MCPH1: variants seen among roughly 807,000 people sequenced by gnomAD.
The protein encoded by MCPH1 is microcephalin.
MCPH1 carries 104 observed loss-of-function variants against 84.5 expected under a neutral mutation model. The ratio of observed to expected loss-of-function variants is 1.23; its 90% CI spans 1.05 to 1.45. The LOEUF (loss-of-function observed/expected upper bound fraction) is 1.45, where lower values mean the gene tolerates loss of function less well. Among genes scored for constraint, MCPH1 ranks in the 40% most tolerant of loss-of-function variants. The pLI, the probability that MCPH1 is intolerant of heterozygous loss-of-function variation, is 0.00. For synonymous variants in MCPH1, 514 were observed against 366.8 expected (o/e 1.40, Z -4.58); for missense variants, 1,498 against 1,005.7 (o/e 1.49, Z -6.62).
chr8:6,486,636 C>T (rs1442361931), intron 11 of MCPH1, among the ~76,000 whole-genome samples: 1 of 152,154 alleles, frequency 6.6e-6, no homozygotes, highest in African/African-American at 2.4e-5. Flanking sequence ...TTCACACCTC[C>T]AGTGTTAGCG....
rs1035591191 is a variant in MCPH1 at position 6,526,913 on chromosome 8, C to G, written c.2214+26984C>G. 2.6e-5 allele frequency among the ~76,000 whole-genome samples: 4 copies of G among 151,964 alleles called. No homozygotes were observed. The East Asian group carries it at 5.8e-4, about 22-fold the overall frequency. On this transcript the variant is annotated intron_variant, in intron 12 of 13. Transcript: ENST00000344683. Reference sequence around the variant, plus strand: ...TTCTATTGTTGATCTTGAGATTTTTCTATATTTTATTTAAATATTAATATA... The same window carrying G: ...TTCTATTGTTGATCTTGAGATTTTTGTATATTTTATTTAAATATTAATATA...
chr8:6,559,741 TA>T (rs1357359084), intron 12 of MCPH1, among the ~76,000 whole-genome samples: 1 of 152,244 alleles, frequency 6.6e-6, no homozygotes, highest in Non-Finnish European at 1.5e-5. Flanking sequence ...TGTGAGTTTT[TA>T]TAAAGTGTGT....
chr8:6,411,682 C>T (rs1416442346), intron 2 of MCPH1, among the ~76,000 whole-genome samples: 3 of 152,182 alleles, frequency 2.0e-5, no homozygotes, highest in Admixed American at 6.5e-5. Context: ...TACATTGCTA[C>T]AATTACCCTA....
At chr8:6,483,341 A>C (rs1408951365) in intron 11 of MCPH1, among the ~76,000 whole-genome samples, 1 of 152,192 alleles carries the variant, frequency 6.6e-6, no homozygotes, top group Non-Finnish European at 1.5e-5. Flanking sequence ...ATTTCTATGG[A>C]GATATTAAGG....
At chr8:6,592,521 T>A (rs1290391229) in intron 12 of MCPH1, among the ~76,000 whole-genome samples, 1 of 151,632 alleles carries the variant, frequency 6.6e-6, no homozygotes, top group Non-Finnish European at 1.5e-5. Flanking sequence ...CATCTTTCCC[T>A]CTCCAATTCC....
intron 12 of MCPH1, among the ~76,000 whole-genome samples, chr8:6,579,553 A>C (rs1827386132): frequency 6.6e-6 from 1 of 152,220 alleles, no homozygotes; most frequent in Non-Finnish European, 1.5e-5. Flanking sequence ...TGGTGCCCAG[A>C]TAATGTGACT....
rs142455787 is a variant in MCPH1, at chr8:6,546,419, G to A, written c.2214+46490G>A. ...TGCTACAGGAAAATTAGCATAGAGC[G>A]TAAAATGCAGGTGGCAGTGTCCAAT... On this transcript the variant is annotated intron_variant, in intron 12 of 13. Coordinates refer to ENST00000344683, the MANE Select transcript of MCPH1 (RefSeq NM_024596.5). 6.1e-3 allele frequency among the ~76,000 whole-genome samples: 936 copies of A among 152,324 alleles called. 31 individuals are homozygous for A. Among genetic ancestry groups the A allele is most frequent in the Admixed American group, 0.049 (757 of 15,294 alleles).
At chr8:6,531,028 G>A (rs1196820861) in intron 12 of MCPH1, among the ~76,000 whole-genome samples, 1 of 152,116 alleles carries the variant, frequency 6.6e-6, no homozygotes, top group Non-Finnish European at 1.5e-5. Context: ...TTATAGCCCA[G>A]AGTAGGAAGC....
At chr8:6,565,335 G>A (rs576572705) in intron 12 of MCPH1, among the ~76,000 whole-genome samples, 2 of 150,098 alleles carry the variant, frequency 1.3e-5, no homozygotes, top group Middle Eastern at 6.8e-3. Flanking sequence ...ATGCAAAGCA[G>A]TGGCAGTGGC....
intron 12 of MCPH1, among the ~76,000 whole-genome samples, chr8:6,505,332 TAGAAA>T (rs1813244952): frequency 1.8e-5 from 1 of 56,958 alleles, no homozygotes; most frequent in Non-Finnish European, 3.0e-5. Flanking sequence ...TATATACATA[TAGAAA>T]GAATATATAT....
intron 12 of MCPH1, among the ~76,000 whole-genome samples, chr8:6,577,501 A>G (rs1827216601): frequency 6.6e-6 from 1 of 152,230 alleles, no homozygotes; most frequent in Admixed American, 6.5e-5. Flanking sequence ...GTCCTTCCAG[A>G]TAATTTTTCA....
At chr8:6,454,603 A>T (rs1244658020) in intron 8 of MCPH1, among the ~76,000 whole-genome samples, 1 of 152,222 alleles carries the variant, frequency 6.6e-6, no homozygotes. Flanking sequence ...TTTCACTTGA[A>T]TGAGTATCCT....
intron 13 of MCPH1, chr8:6,625,933 T>A (rs1039201761): frequency 2.4e-5 from 24 of 984,528 alleles, no homozygotes; most frequent in South Asian, 4.7e-5. Context: ...GTTTCTTTTC[T>A]TTTCCTTTCT....
chr8:6,577,448 C>A (rs925019711), intron 12 of MCPH1, among the ~76,000 whole-genome samples: 1 of 152,244 alleles, frequency 6.6e-6, no homozygotes, highest in African/African-American at 2.4e-5. Context: ...TCTGAATGTA[C>A]AAATGGCTGT....
In MCPH1 at chr8:6,406,639, G is replaced by A. The variant is rs753805652; in HGVS notation, c.-29G>A. 6.2e-7 allele frequency: 1 copy of A among 1,610,754 alleles called. No homozygotes were observed. The highest frequency in any genetic ancestry group is 2.2e-5 in the East Asian group (1 of 44,756). ...CCGCCAGGCTCGCAAGCACCGCGTA[G>A]GCCAGCTGGCCGGATCCCGCCGTCT... On this transcript the variant is annotated 5_prime_UTR_variant, in exon 1 of 14. Transcript: ENST00000344683.
At chr8:6,459,983 G>C (rs1263848442) in intron 9 of MCPH1, among the ~76,000 whole-genome samples, 3 of 152,222 alleles carry the variant, frequency 2.0e-5, no homozygotes, top group Non-Finnish European at 4.4e-5. Context: ...ACGGCCACGG[G>C]CTCTGGGGTT....
At chr8:6,439,693 C>T (rs1803226194) in intron 6 of MCPH1, among the ~76,000 whole-genome samples, 1 of 152,144 alleles carries the variant, frequency 6.6e-6, no homozygotes, top group Admixed American at 6.5e-5. Context: ...TGAGCCACCG[C>T]TCCTGGCCGT....
intron 12 of MCPH1, among the ~76,000 whole-genome samples, chr8:6,555,565 G>T (rs1460682096): frequency 6.6e-6 from 1 of 151,118 alleles, no homozygotes; most frequent in South Asian, 2.1e-4. Context: ...GGGTTCAAAT[G>T]ATCCACCCAC....
rs181604067 is a variant in MCPH1, at chr8:6,495,029, T to G, written c.2137-4823T>G. 2.5e-4 allele frequency among the ~76,000 whole-genome samples: 38 copies of G among 152,316 alleles called. 1 individual carries two copies. Among genetic ancestry groups the G allele is most frequent in the African/African-American group, 9.1e-4 (38 of 41,570 alleles). ...GGAAGCATTTCTTGATGTTATGAGA[T>G]GTGTTGGAAATACAGAAGAATAGCT... On this transcript the variant is annotated intron_variant, in intron 11 of 13. Transcript: ENST00000344683.
Sources: allele counts gnomAD v4.1 joint callset (sites outside exome capture counted in the v4.1 genomes callset), GRCh38; gene constraint gnomAD v4.1.1; transcripts MANE v1.5; gene names NCBI Gene and HGNC (gene_info 2026-07-23, HGNC 2026-07-21).